The following CCDC125 variants were observed in gnomAD, a reference collection of about 807,000 sequenced individuals.
CCDC125 encodes the protein coiled-coil domain-containing protein 125.
CCDC125 carries 43 observed loss-of-function variants against 57.4 expected under a neutral mutation model. The observed-to-expected ratio is 0.75, with a 90% CI of 0.59 to 0.97. The LOEUF (loss-of-function observed/expected upper bound fraction) is 0.97, where lower values mean the gene tolerates loss of function less well. Among genes scored for constraint, CCDC125 ranks in the 50% least tolerant of loss-of-function variants. The pLI, the probability that CCDC125 is intolerant of heterozygous loss-of-function variation, is 0.00. For synonymous variants in CCDC125, 187 were observed against 195.2 expected (o/e 0.96, Z 0.35); for missense variants, 563 against 595.7 (o/e 0.95, Z 0.57).
chr5:69,274,219 A>G, the CCDC125 span, among the ~76,000 whole-genome samples: 1 of 152,214 alleles, frequency 6.6e-6, no homozygotes, highest in Non-Finnish European at 1.5e-5. Flanking sequence ...GAAGTTTTTA[A>G]AGTGAGTTTT....
At chr5:69,278,999 C>G (rs938006135), downstream of CCDC125, among the ~76,000 whole-genome samples, 4 of 151,404 alleles carry the variant, frequency 2.6e-5, no homozygotes, top group Admixed American at 2.6e-4. Context: ...TCCCAAGTAG[C>G]TGGGATTACA....
intron 10 of CCDC125, among the ~76,000 whole-genome samples, chr5:69,288,220 C>A (rs1753826185): frequency 6.6e-6 from 1 of 152,098 alleles, no homozygotes; most frequent in Non-Finnish European, 1.5e-5. Context: ...GTAATAGAAG[C>A]ATCTTTTGTT....
chr5:69,294,817 T>G lies in CCDC125; in HGVS notation c.900A>C (p.Lys300Asn), dbSNP rs137885413. 2 of 1,614,000 alleles carry G rather than the reference T, an allele frequency of 1.2e-6. No individual in the cohort carries two copies. Among genetic ancestry groups the G allele is most frequent in the Admixed American group, 1.7e-5 (1 of 59,992 alleles). The change falls in exon 9 of 12, where the codon AAA (lysine) becomes AAC (asparagine). Residue 300 changes from lysine to asparagine, a missense_variant. Transcript: ENST00000396496. ...CCTCTTGTTTGAGCTGAAGAAGCAG[T>G]TTCCGAGTGGATGCTGCCATTCTGG... Reference protein sequence around the residue: ...SCARMAASTRKLLLQLKQELE... With the variant: ...SCARMAASTRNLLLQLKQELE...
At position 69,286,188 on chromosome 5, in the gene CCDC125, CTATATATATATATATATA is replaced by C. The variant is rs59035946; in HGVS notation, c.1100-739_1100-722del. Among the ~76,000 whole-genome samples, 225 of 51,336 alleles carry C rather than the reference CTATATATATATATATATA, an allele frequency of 4.4e-3. 4 individuals carry two copies. The highest frequency in any genetic ancestry group is 0.014 in the African/African-American group (178 of 12,742). The allele number at this position is 51,336 out of a possible 152,430, so 33.7% of individuals were successfully genotyped here. A position where few individuals can be genotyped will look rare whatever the true frequency, so the allele number is the denominator to read the frequency against. ...ACTTAAAAACAGTTCAAATGGTAAA[CTATATATATATATATATA>C]TATATATATATATATATATATATAT... On this transcript the variant is annotated intron_variant, in intron 10 of 11. Transcript: ENST00000396496.
chr5:69,288,136 A>G (rs918775726), intron 10 of CCDC125, among the ~76,000 whole-genome samples: 1 of 152,148 alleles, frequency 6.6e-6, no homozygotes, highest in African/African-American at 2.4e-5. Context: ...CTAACACACA[A>G]TTCTTAAGAC....
At chr5:69,288,331 C>G (rs1753843618) in intron 10 of CCDC125, among the ~76,000 whole-genome samples, 1 of 152,114 alleles carries the variant, frequency 6.6e-6, no homozygotes, top group Non-Finnish European at 1.5e-5. Flanking sequence ...TCAGCCCTAG[C>G]CCCCAAACTC....
intron 1 of CCDC125, among the ~76,000 whole-genome samples, chr5:69,322,065 T>C (rs1478884171): frequency 6.6e-6 from 1 of 152,042 alleles, no homozygotes; most frequent in Admixed American, 6.6e-5. Flanking sequence ...GGTCTCGAAC[T>C]CCTGACCTCA....
In CCDC125 at chr5:69,283,022, CTTT is replaced by C. The variant is rs1752668556; in HGVS notation, c.1240_1242del (p.Lys414del). On this transcript the variant is annotated inframe_deletion, in exon 12 of 12. Coordinates refer to ENST00000396496, the MANE Select transcript of CCDC125 (RefSeq NM_176816.5). The stretch of plus-strand genomic sequence containing the variant: ...TTTCTTTGATGAGCCAAAGCTTCTT[CTTT>C]ATCATTAAGCTGCATGCACAGAAAT... The C allele has an allele frequency of 1.3e-6, 2 of 1,590,660 alleles. No homozygotes were observed. The highest frequency in any genetic ancestry group is 1.7e-6 in the Non-Finnish European group (2 of 1,171,828).
chr5:69,299,970 G>A, intron 8 of CCDC125, 42 bp downstream of exon 8: 1 of 1,393,530 alleles, frequency 7.2e-7, no homozygotes, highest in Non-Finnish European at 1.0e-6. Flanking sequence ...AAGGAAAGTA[G>A]CAAATGTCCC....
chr5:69,319,378 AC>A (rs1399167308), intron 2 of CCDC125, among the ~76,000 whole-genome samples: 3 of 152,190 alleles, frequency 2.0e-5, no homozygotes, highest in African/African-American at 7.2e-5. Context: ...AAAAAAAAGT[AC>A]TTCACAAAAA....
intron 4 of CCDC125, chr5:69,310,589 G>A (rs2150510469): frequency 6.4e-6 from 1 of 156,176 alleles, no homozygotes; most frequent in East Asian, 1.9e-4. Context: ...CCACCCAAAT[G>A]TCCATCAACT....
intron 10 of CCDC125, 87 bp from the exon 11 acceptor site, chr5:69,285,554 A>AT: frequency 2.3e-6 from 3 of 1,318,384 alleles, no homozygotes; most frequent in Non-Finnish European, 3.1e-6. Context: ...GATCTCTAGG[A>AT]CAAGTGAGTC....
intron 1 of CCDC125, among the ~76,000 whole-genome samples, chr5:69,322,415 T>G (rs1760172277): frequency 6.6e-6 from 1 of 152,080 alleles, no homozygotes; most frequent in African/African-American, 2.4e-5. Context: ...AGGACCCCTG[T>G]GTATTTCCTT....
chr5:69,306,988 A>C (rs1757420539), intron 5 of CCDC125, 86 bp from the exon 6 acceptor site: 10 of 1,313,036 alleles, frequency 7.6e-6, no homozygotes, highest in Admixed American at 3.1e-5. Flanking sequence ...TAAATCATAT[A>C]ATCAGTTCTC....
chr5:69,297,212 T>C (rs1328031973), intron 8 of CCDC125, among the ~76,000 whole-genome samples: 1 of 152,056 alleles, frequency 6.6e-6, no homozygotes, highest in South Asian at 2.1e-4. Flanking sequence ...AATTTTTTTT[T>C]GTATTTTTAG....
intron 3 of CCDC125, among the ~76,000 whole-genome samples, chr5:69,312,739 G>C (rs946981926): frequency 2.6e-5 from 4 of 152,172 alleles, no homozygotes; most frequent in African/African-American, 9.7e-5. Context: ...GAGGAGGCCA[G>C]TTGAAAAAGA....
rs1376747147 is a variant in CCDC125 at position 69,282,657 on chromosome 5, A to C, written c.*72T>G. The C allele has an allele frequency of 3.0e-6, 4 of 1,345,090 alleles. No homozygotes were observed. In the East Asian group the frequency reaches 7.1e-5, roughly 24 times the overall value. 83.3% of individuals were successfully genotyped at this position (1,345,090 alleles called of 1,614,324 possible). The stretch of plus-strand genomic sequence containing the variant: ...ACATACAACTTCTCAAGATGCAGCA[A>C]AATTTACAAAATCATTTTTCAAAGT... On this transcript the variant is annotated 3_prime_UTR_variant, in exon 12 of 12. Coordinates refer to ENST00000396496, the MANE Select transcript of CCDC125 (RefSeq NM_176816.5).
chr5:69,299,889 C>T, intron 8 of CCDC125, 123 bp downstream of exon 8: 4 of 785,138 alleles, frequency 5.1e-6, no homozygotes, highest in East Asian at 4.9e-5. Context: ...AGGGGCGTCT[C>T]TCACTCCCAT....
chr5:69,328,519 T>G (rs1761005145), intron 1 of CCDC125, among the ~76,000 whole-genome samples: 1 of 151,950 alleles, frequency 6.6e-6, no homozygotes, highest in Admixed American at 6.6e-5. Context: ...AAAAATACTA[T>G]GTAGTATAGA....
Sources: gnomAD v4.1 joint callset for allele counts (sites outside exome capture counted in the v4.1 genomes callset) on GRCh38, gnomAD v4.1.1 for gene constraint, MANE v1.5 for transcripts, NCBI Gene and HGNC (gene_info 2026-07-23, HGNC 2026-07-21) for gene names.